Variants in FHIT observed in about 807,000 individuals in gnomAD.
FHIT encodes the protein bis(5'-adenosyl)-triphosphatase.
Under a neutral mutation model 17.9 loss-of-function variants are expected in FHIT, and 19 were observed. The observed-to-expected ratio is 1.06, with a 90% CI of 0.74 to 1.56. The LOEUF (loss-of-function observed/expected upper bound fraction) is 1.56, where lower values mean the gene tolerates loss of function less well. Among genes scored for constraint, FHIT ranks in the 40% most tolerant of loss-of-function variants. The pLI is 0.00. For missense variants in FHIT, 248 were observed against 189.2 expected, an observed-to-expected ratio of 1.31 and a Z score of -1.82; for synonymous variants, 81 against 69.7, an observed-to-expected ratio of 1.16 and a Z score of -0.81.
chr3:61,096,712 T>C (rs978402197), intron 2 of FHIT, among the ~76,000 whole-genome samples: 3 of 152,160 alleles, frequency 2.0e-5, no homozygotes, highest in Non-Finnish European at 2.9e-5. Context: ...CTGACAAAAG[T>C]AGATGTTCAT....
At position 60,842,623 on chromosome 3, in the gene FHIT, ATGAGTGTATATATATATATATATTTTTTT is replaced by A. The variant is rs1230778188; in HGVS notation, c.-110-20641_-110-20613del. ...AGTGTATATATATATACATATATAT[ATGAGTGTATATATATATATATATTTTTTT>A]TTTTTTTTTTTTCCCTTGCTAGGCA... On this transcript the variant is annotated intron_variant, in intron 3 of 9. Coordinates refer to ENST00000492590, the MANE Select transcript of FHIT (RefSeq NM_002012.4). Among the ~76,000 whole-genome samples, 126 of 104,292 alleles carry A rather than the reference ATGAGTGTATATATATATATATATTTTTTT, an allele frequency of 1.2e-3. 2 individuals are homozygous for A. The South Asian group carries it at 0.022, about 18-fold the overall frequency. The allele number at this position is 104,292 out of a possible 152,430, so 68.4% of individuals were successfully genotyped here. A position where few individuals can be genotyped will look rare whatever the true frequency, so the allele number is the denominator to read the frequency against.
chr3:60,672,824 G>C (rs1553694304), intron 4 of FHIT, among the ~76,000 whole-genome samples: 9 of 147,204 alleles, frequency 6.1e-5, no homozygotes. Context: ...TATTTCTAAA[G>C]TTTCCATCTT....
chr3:60,638,238 C>T lies in FHIT; in HGVS notation c.-17-101259G>A, dbSNP rs139409571. ...AAGTAACAACACGACATGGAGGGAA[C>T]GTTTTTCCTCATAGAGGAATCACAG... On this transcript the variant is annotated intron_variant, in intron 4 of 9. Transcript: ENST00000492590. 9.3e-4 allele frequency among the ~76,000 whole-genome samples: 142 copies of T among 152,210 alleles called. 2 individuals carry two copies. Among genetic ancestry groups the T allele is most frequent in the Admixed American group, 2.6e-3 (40 of 15,288 alleles).
intron 4 of FHIT, among the ~76,000 whole-genome samples, chr3:60,662,796 T>C (rs1553691500): frequency 6.6e-6 from 1 of 152,112 alleles, no homozygotes; most frequent in Non-Finnish European, 1.5e-5. Flanking sequence ...AACTATTTTA[T>C]ATAAGAACAT....
intron 5 of FHIT, among the ~76,000 whole-genome samples, chr3:60,258,100 A>ACACACACACACACACACACACACACC (rs770378733): frequency 6.9e-6 from 1 of 145,070 alleles, no homozygotes; most frequent in Non-Finnish European, 1.5e-5. Context: ...ACACACACAC[A>ACACACACACACACACACACACACACC]CCTCTGCAGA....
In FHIT at chr3:60,521,966, C is replaced by G. The variant is rs549800310; in HGVS notation, c.103+14894G>C. On this transcript the variant is annotated intron_variant, in intron 5 of 9. Coordinates refer to ENST00000492590, the MANE Select transcript of FHIT (RefSeq NM_002012.4). ...TTTGTGGTAGGGTCAGGGAAGGCCT[C>G]TGTGTGTAAGTGATGACAAGGGAAC... is the stretch of plus-strand genomic sequence containing the variant. 1.1e-4 allele frequency among the ~76,000 whole-genome samples: 16 copies of G among 152,118 alleles called. No individual in the cohort carries two copies. In the East Asian group the frequency reaches 3.1e-3, roughly 29 times the overall value.
chr3:59,801,785 T>C (rs1385424033), intron 8 of FHIT, among the ~76,000 whole-genome samples: 1 of 152,110 alleles, frequency 6.6e-6, no homozygotes, highest in Non-Finnish European at 1.5e-5. Context: ...GCACTTGAGG[T>C]CACTCGGGTA....
intron 3 of FHIT, among the ~76,000 whole-genome samples, chr3:60,836,484 A>G (rs1702545095): frequency 1.3e-5 from 2 of 152,242 alleles, no homozygotes; most frequent in South Asian, 2.1e-4. Flanking sequence ...CTATTTCATG[A>G]TAGGTGAATG....
Position 59,974,932 on chromosome 3 carries a change from A to T in FHIT, c.279+36439T>A, listed in dbSNP as rs559418841. ...CTACCACGGCTATTCATTACAAATA[A>T]TTTTACTTATATTCAGTGCCAATGC... is the stretch of plus-strand genomic sequence containing the variant. On this transcript the variant is annotated intron_variant, in intron 7 of 9. Transcript: ENST00000492590. Among the ~76,000 whole-genome samples, 51 of 152,192 alleles carry T rather than the reference A, an allele frequency of 3.4e-4. 1 individual carries two copies. The highest frequency in any genetic ancestry group is 6.8e-3 in the Middle Eastern group (2 of 294).
intron 8 of FHIT, among the ~76,000 whole-genome samples, chr3:59,807,306 A>G (rs767280534): frequency 2.0e-5 from 3 of 152,192 alleles, no homozygotes; most frequent in South Asian, 2.1e-4. Flanking sequence ...GCTTAACCCT[A>G]GTGAGGAAGA....
At chr3:60,986,996 G>T (rs1466055880) in intron 3 of FHIT, among the ~76,000 whole-genome samples, 1 of 152,246 alleles carries the variant, frequency 6.6e-6, no homozygotes, top group East Asian at 1.9e-4. Flanking sequence ...TCATCATCTT[G>T]TTGCCAGGAT....
chr3:60,521,126 T>A (rs1473057482), intron 5 of FHIT, among the ~76,000 whole-genome samples: 2 of 152,228 alleles, frequency 1.3e-5, no homozygotes, highest in Non-Finnish European at 2.9e-5. Flanking sequence ...AGTATTTTTT[T>A]AAATTCCATT....
intron 5 of FHIT, among the ~76,000 whole-genome samples, chr3:60,361,390 G>A (rs12485388): frequency 0.35 from 53,314 of 151,930 alleles, 9,728 homozygotes; most frequent in South Asian, 0.47. Context: ...TCAAAGGCAC[G>A]TACACAAAAA....
chr3:60,718,405 A>C (rs1343539319), intron 4 of FHIT, among the ~76,000 whole-genome samples: 1 of 152,242 alleles, frequency 6.6e-6, no homozygotes, highest in Non-Finnish European at 1.5e-5. Context: ...GGAAACAAAG[A>C]AACAAAAGCA....
intron 7 of FHIT, among the ~76,000 whole-genome samples, chr3:59,995,458 G>T (rs1419185048): frequency 2.0e-5 from 3 of 152,068 alleles, no homozygotes; most frequent in Admixed American, 2.0e-4. Context: ...TGAACTGAGA[G>T]CTTGGCTTAT....
chr3:59,877,742 C>G (rs758317311), intron 8 of FHIT, among the ~76,000 whole-genome samples: 4 of 152,156 alleles, frequency 2.6e-5, no homozygotes, highest in Non-Finnish European at 5.9e-5. Context: ...AATGAGATTC[C>G]TATATGATTT....
At chr3:60,412,359 G>T (rs556598349) in intron 5 of FHIT, among the ~76,000 whole-genome samples, 1 of 152,048 alleles carries the variant, frequency 6.6e-6, no homozygotes, top group Non-Finnish European at 1.5e-5. Flanking sequence ...TAGTGTATGA[G>T]GACAAAAATA....
At chr3:60,348,417 A>G (rs1184910528) in intron 5 of FHIT, among the ~76,000 whole-genome samples, 5 of 151,636 alleles carry the variant, frequency 3.3e-5, no homozygotes, top group African/African-American at 1.2e-4. Context: ...TAGAGTTTAT[A>G]TTAAAACTAA....
intron 2 of FHIT, among the ~76,000 whole-genome samples, chr3:61,061,885 G>A (rs1306412083): frequency 6.6e-6 from 1 of 152,032 alleles, no homozygotes; most frequent in Non-Finnish European, 1.5e-5. Flanking sequence ...ATTCCCTGAG[G>A]GAGCCTATAT....
Sources: gnomAD v4.1 joint callset for allele counts (sites outside exome capture counted in the v4.1 genomes callset) on GRCh38, gnomAD v4.1.1 for gene constraint, MANE v1.5 for transcripts, NCBI Gene and HGNC (gene_info 2026-07-23, HGNC 2026-07-21) for gene names.